Variants in THSD1 observed in about 807,000 individuals in gnomAD.
The protein encoded by THSD1 is thrombospondin type-1 domain-containing protein 1.
In THSD1, 34 loss-of-function variants were observed where a neutral mutation model predicts 46.3. That is an observed-to-expected ratio of 0.74 (90% CI 0.56 to 0.98). The LOEUF (loss-of-function observed/expected upper bound fraction) is 0.98, where lower values mean the gene tolerates loss of function less well. Ranked by LOEUF, THSD1 falls within the 50% of genes least tolerant of loss-of-function variation. THSD1 has a pLI of 0.00. For missense variants in THSD1, 1,023 were observed against 1,058.3 expected (o/e 0.97, Z 0.46); for synonymous variants, 407 against 416.5 (o/e 0.98, Z 0.28).
At chr13:52,396,246 G>T (rs897101902) in intron 3 of THSD1, among the ~76,000 whole-genome samples, 2 of 152,264 alleles carry the variant, frequency 1.3e-5, no homozygotes, top group East Asian at 3.9e-4. Context: ...AAAGCAGGCT[G>T]GGCGCAGTGG....
intron 4 of THSD1, among the ~76,000 whole-genome samples, chr13:52,381,871 C>T (rs777373533): frequency 2.6e-5 from 4 of 152,186 alleles, no homozygotes; most frequent in Non-Finnish European, 4.4e-5. Context: ...TCTGCATTTG[C>T]TTACTGCTCC....
At chr13:52,401,588 C>T (rs1010892721) in intron 2 of THSD1, among the ~76,000 whole-genome samples, 1 of 152,156 alleles carries the variant, frequency 6.6e-6, no homozygotes, top group African/African-American at 2.4e-5. Context: ...CATGAGCCAC[C>T]GCGCCCGGCC....
At position 52,403,938 on chromosome 13, in the gene THSD1, ATTTTTTTTTTTTTT is replaced by A. The variant is rs67802176; in HGVS notation, c.-81-1271_-81-1258del. 6.3e-5 allele frequency among the ~76,000 whole-genome samples: 4 copies of A among 63,920 alleles called. No individual in the cohort carries two copies. The Admixed American group carries it at 8.3e-4, about 13-fold the overall frequency. 41.9% of individuals were successfully genotyped at this position (63,920 alleles called of 152,430 possible). On this transcript the variant is annotated intron_variant, in intron 1 of 4. Coordinates refer to ENST00000258613, the MANE Select transcript of THSD1 (RefSeq NM_018676.4). ...GTTTAAGGTCCCCCCCATTATTCAC[ATTTTTTTTTTTTTT>A]TTTTTTTTTTTTTTAGACAGAGTCT...
chr13:52,391,023 C>T (rs1957769200), intron 3 of THSD1, among the ~76,000 whole-genome samples: 1 of 152,142 alleles, frequency 6.6e-6, no homozygotes, highest in Non-Finnish European at 1.5e-5. Context: ...CCACTTGGCT[C>T]ACCTGAGAAT....
Position 52,378,252 on chromosome 13 carries a change from T to G in THSD1, c.1718A>C (p.Asp573Ala). ...TGCAGCTTCTTCCGGGCTTTCCAAA[T>G]CTAAGGGAGCGCTGGGGGCCGCATC... ...AIDAAPSAPL[D>A]LESPEEAAAN... is the part of the protein sequence containing the mutation. Residue 573 changes from aspartate to alanine, a missense_variant, in exon 5 of 5, where the codon GAT becomes GCT. Physicochemically the swap from Asp to Ala is moderately radical, Grantham distance 126 (BLOSUM62 -2). Around this residue, in one of 3 missense-constraint regions of THSD1, gnomAD observed 578 missense variants for 497.4 expected, o/e 1.16. Coordinates refer to ENST00000258613, the MANE Select transcript of THSD1 (RefSeq NM_018676.4). The G allele has an allele frequency of 3.7e-6, 6 of 1,614,160 alleles. No individual in the cohort carries two copies. The highest frequency in any genetic ancestry group is 5.1e-6 in the Non-Finnish European group (6 of 1,180,020).
intron 1 of THSD1, chr13:52,402,964 G>C (rs1417606392): frequency 4.1e-6 from 4 of 985,112 alleles, no homozygotes; most frequent in African/African-American, 1.7e-5. Flanking sequence ...TCCTGACGTG[G>C]AGAGTTTATT....
At chr13:52,396,750 C>T (rs1957815073) in intron 3 of THSD1, among the ~76,000 whole-genome samples, 1 of 152,130 alleles carries the variant, frequency 6.6e-6, no homozygotes, top group Non-Finnish European at 1.5e-5. Context: ...GCTTTGATTT[C>T]TCACTAAAAA....
intron 3 of THSD1, among the ~76,000 whole-genome samples, chr13:52,394,439 C>A (rs1281781451): frequency 6.6e-6 from 1 of 152,054 alleles, no homozygotes; most frequent in Non-Finnish European, 1.5e-5. Flanking sequence ...CATGGCAAAA[C>A]CCCGTCTCTA....
intron 4 of THSD1, among the ~76,000 whole-genome samples, chr13:52,379,191 C>A (rs1277326273): frequency 6.6e-6 from 1 of 151,976 alleles, no homozygotes; most frequent in Non-Finnish European, 1.5e-5. Context: ...ATTGTTTGCT[C>A]TGCACGGTTT....
intron 3 of THSD1, among the ~76,000 whole-genome samples, chr13:52,390,893 C>T (rs1957768202): frequency 6.6e-6 from 1 of 151,938 alleles, no homozygotes; most frequent in African/African-American, 2.4e-5. Flanking sequence ...AAAAATTCCA[C>T]TAGTGAGGAT....
At chr13:52,391,886 C>A (rs1226544204) in intron 3 of THSD1, among the ~76,000 whole-genome samples, 1 of 151,486 alleles carries the variant, frequency 6.6e-6, no homozygotes. Context: ...ATGTTGTGTT[C>A]TTTTCCCTTG....
chr13:52,391,704 C>T (rs1053343683), intron 3 of THSD1, among the ~76,000 whole-genome samples: 3 of 151,676 alleles, frequency 2.0e-5, no homozygotes, highest in African/African-American at 7.3e-5. Context: ...CCACCATGCC[C>T]GGCTAATTTT....
intron 2 of THSD1, among the ~76,000 whole-genome samples, chr13:52,401,322 CAG>C (rs748767603): frequency 6.8e-6 from 1 of 146,484 alleles, no homozygotes; most frequent in Non-Finnish European, 1.5e-5. Context: ...TTTTTTGAGA[CAG>C]AGTCTCGCTC....
At chr13:52,391,991 G>A (rs1283648473) in intron 3 of THSD1, among the ~76,000 whole-genome samples, 1 of 151,782 alleles carries the variant, frequency 6.6e-6, no homozygotes, top group Non-Finnish European at 1.5e-5. Context: ...AGGAGTTCGA[G>A]ACCATCCTGG....
intron 2 of THSD1, 137 bp from the exon 3 acceptor site, chr13:52,398,331 C>G (rs1000653961): frequency 7.4e-7 from 1 of 1,352,534 alleles, no homozygotes; most frequent in Admixed American, 2.3e-5. Flanking sequence ...AGTGCAGTGG[C>G]GCAATCACTG....
chr13:52,399,644 A>C (rs900242712), intron 2 of THSD1, among the ~76,000 whole-genome samples: 11 of 152,208 alleles, frequency 7.2e-5, no homozygotes, highest in Admixed American at 2.0e-4. Flanking sequence ...AAAAGACATA[A>C]AACTTGGATG....
chr13:52,378,926 G>C (rs1263901889), intron 4 of THSD1, 137 bp from the exon 5 acceptor site: 25 of 991,298 alleles, frequency 2.5e-5, no homozygotes, highest in Non-Finnish European at 2.9e-5. Context: ...GCAATGGTGT[G>C]ATCTCGGCTC....
chr13:52,394,759 T>C (rs1411123983), intron 3 of THSD1, among the ~76,000 whole-genome samples: 7 of 152,166 alleles, frequency 4.6e-5, no homozygotes, highest in Non-Finnish European at 7.3e-5. Flanking sequence ...GTGCCAGGCA[T>C]ACTAAGTGGG....
intron 1 of THSD1, among the ~76,000 whole-genome samples, chr13:52,405,607 C>T (rs753157700): frequency 6.6e-6 from 1 of 152,226 alleles, no homozygotes; most frequent in African/African-American, 2.4e-5. Context: ...GCCCAGTTCA[C>T]GCCTGGAAGT....
Sources: gnomAD v4.1 joint callset for allele counts (sites outside exome capture counted in the v4.1 genomes callset) on GRCh38, gnomAD v4.1.1 for gene constraint, gnomAD v4.1.1 regional missense constraint, MANE v1.5 for transcripts, NCBI Gene and HGNC (gene_info 2026-07-23, HGNC 2026-07-21) for gene names.